The following PTPRN2 variants were observed in gnomAD, a reference collection of about 807,000 sequenced individuals.
PTPRN2 encodes protein tyrosine phosphatase receptor type N2.
In PTPRN2, 74 loss-of-function variants were observed where a neutral mutation model predicts 118.8. The ratio of observed to expected loss-of-function variants is 0.62; its 90% CI spans 0.52 to 0.76. The LOEUF (loss-of-function observed/expected upper bound fraction) is 0.76, where lower values mean the gene tolerates loss of function less well. PTPRN2 is among the 30% of genes least tolerant of loss of function. The pLI is 0.00. For synonymous variants in PTPRN2, 641 were observed against 608.0 expected, an observed-to-expected ratio of 1.05 and a Z score of -0.80; for missense variants, 1,481 against 1,394.4, an observed-to-expected ratio of 1.06 and a Z score of -0.99.
At chr7:158,184,041 T>C (rs1160326808) in intron 5 of PTPRN2, among the ~76,000 whole-genome samples, 1 of 148,108 alleles carries the variant, frequency 6.8e-6, no homozygotes, top group Non-Finnish European at 1.5e-5. Flanking sequence ...AAAAGTGCTA[T>C]TTGCAAGTAT....
At chr7:157,860,358 C>T (rs1038312696) in intron 12 of PTPRN2, among the ~76,000 whole-genome samples, 8 of 152,232 alleles carry the variant, frequency 5.3e-5, no homozygotes, top group African/African-American at 1.7e-4. Flanking sequence ...CCCCACAGTC[C>T]ACCCACAGCC....
At chr7:157,644,664 T>A (rs1410756208) in intron 14 of PTPRN2, among the ~76,000 whole-genome samples, 2 of 151,982 alleles carry the variant, frequency 1.3e-5, no homozygotes, top group African/African-American at 2.4e-5. Flanking sequence ...GCGTGGTGGC[T>A]AACGCCTATA....
intron 11 of PTPRN2, among the ~76,000 whole-genome samples, chr7:157,988,501 C>T (rs1803992050): frequency 6.6e-6 from 1 of 152,202 alleles, no homozygotes; most frequent in South Asian, 2.1e-4. Flanking sequence ...AGACCAAACA[C>T]ACCAAACGCA....
At chr7:157,952,954 C>A (rs1800927631) in intron 11 of PTPRN2, among the ~76,000 whole-genome samples, 1 of 152,002 alleles carries the variant, frequency 6.6e-6, no homozygotes, top group African/African-American at 2.4e-5. Flanking sequence ...TGGGAGAAAG[C>A]CATGCACACA....
chr7:157,550,356 G>C lies in PTPRN2; in HGVS notation c.2903-1337C>G, dbSNP rs1280894545. Among the ~76,000 whole-genome samples, 1 of 152,188 alleles carries C rather than the reference G, an allele frequency of 6.6e-6. No individual in the cohort carries two copies. Among genetic ancestry groups the C allele is most frequent in the Non-Finnish European group, 1.5e-5 (1 of 68,032 alleles). On this transcript the variant is annotated intron_variant, in intron 21 of 22. Transcript: ENST00000389418. This position sits in a 1 kb window ranked among gnomAD's most constrained non-coding sequence, Gnocchi z 5.2. ...AAGTCAGAACTGCGGGCAGCTAGGAGGGAACGGCAGGGGTGGCGGGGAGGC... is the reference window on the plus strand; with the variant it reads ...AAGTCAGAACTGCGGGCAGCTAGGACGGAACGGCAGGGGTGGCGGGGAGGC...
Position 158,442,043 on chromosome 7 carries a change from A to G in PTPRN2, c.163+47692T>C, listed in dbSNP as rs371802243. ...AGTGATGGTGATAGTGATGGTGGTG[A>G]CAGTGGTGGTGATGGTGATGGCAGT... On this transcript the variant is annotated intron_variant, in intron 2 of 22. Transcript: ENST00000389418. 9.5e-3 allele frequency among the ~76,000 whole-genome samples: 1,003 copies of G among 105,588 alleles called. 27 individuals are homozygous for G. Among genetic ancestry groups the G allele is most frequent in the East Asian group, 0.049 (163 of 3,314 alleles). The allele number at this position is 105,588 out of a possible 152,430, so 69.3% of individuals were successfully genotyped here.
rs1801515905 is a variant in PTPRN2 at position 157,599,119 on chromosome 7, C to T, written c.2419-3804G>A. 2.0e-5 allele frequency among the ~76,000 whole-genome samples: 3 copies of T among 152,062 alleles called. No homozygotes were observed. The South Asian group carries it at 6.2e-4, about 32-fold the overall frequency. On this transcript the variant is annotated intron_variant, in intron 16 of 22. Transcript: ENST00000389418. ...CTGCCTCCTGGGTTCAAGCGATTCT[C>T]CTGCCTCAGCCTCCAGAGTGGCTGG... is the stretch of plus-strand genomic sequence containing the variant.
rs575405324 is a variant in PTPRN2, at chr7:157,724,435, CT to C, written c.1789-41499del. Among the ~76,000 whole-genome samples the C allele has an allele frequency of 5.1e-4, 77 of 152,306 alleles. 1 individual carries two copies. The highest frequency in any genetic ancestry group is 1.8e-3 in the African/African-American group (76 of 41,562). ...GGAGCCAATTTCCTGGTTAAATTTA[CT>C]TTACATTTTGATATGTATTCAGTTC... On this transcript the variant is annotated intron_variant, in intron 12 of 22. Transcript: ENST00000389418.
intron 4 of PTPRN2, among the ~76,000 whole-genome samples, chr7:158,196,460 G>A (rs1031474401): frequency 8.5e-5 from 13 of 152,178 alleles, no homozygotes; most frequent in African/African-American, 3.1e-4. Context: ...CCCATCTAGG[G>A]AGGTCTGCAT....
chr7:157,702,835 G>A (rs1375190523), intron 12 of PTPRN2, among the ~76,000 whole-genome samples: 1 of 152,176 alleles, frequency 6.6e-6, no homozygotes, highest in African/African-American at 2.4e-5. Context: ...TCTCTCCTCT[G>A]GCCCCGCGTC....
rs1822084677 is a variant in PTPRN2 at position 158,158,745 on chromosome 7, G to A, written c.910+8186C>T. On this transcript the variant is annotated intron_variant, in intron 6 of 22. Transcript: ENST00000389418. ...GCAAGGGCTTTCTGAATGAATGAGT[G>A]AACTCGGAAGAATCAGGAGCCCGTG... Among the ~76,000 whole-genome samples the A allele has an allele frequency of 7.7e-5, 2 of 25,920 alleles. 1 individual carries two copies. Among genetic ancestry groups the A allele is most frequent in the Non-Finnish European group, 1.3e-4 (2 of 15,534 alleles). The allele number at this position is 25,920 out of a possible 152,430, so 17.0% of individuals were successfully genotyped here. A position where few individuals can be genotyped will look rare whatever the true frequency, so the allele number is the denominator to read the frequency against.
intron 14 of PTPRN2, among the ~76,000 whole-genome samples, chr7:157,654,539 C>T (rs905386733): frequency 1.3e-5 from 2 of 152,146 alleles, no homozygotes; most frequent in South Asian, 4.2e-4. Context: ...CAGTTGTGGG[C>T]GGTGGTGAGA....
At position 157,591,123 on chromosome 7, in the gene PTPRN2, CAT is replaced by C. The variant is rs1258652616; in HGVS notation, c.2496+4113_2496+4114del. On this transcript the variant is annotated intron_variant, in intron 17 of 22. Transcript: ENST00000389418. This position sits in a 1 kb window ranked among gnomAD's most constrained non-coding sequence, Gnocchi z 4.4. ...AAGAGGAGGGAAATTTGGACCCTGA[CAT>C]AAATCCACGGTGGGGAAAAGCTGTG... Among the ~76,000 whole-genome samples, 7 of 152,096 alleles carry C rather than the reference CAT, an allele frequency of 4.6e-5. No individual in the cohort carries two copies. The highest frequency in any genetic ancestry group is 1.4e-4 in the African/African-American group (6 of 41,416).
chr7:158,146,733 A>AAG (rs1196552917), intron 6 of PTPRN2, among the ~76,000 whole-genome samples: 3 of 151,628 alleles, frequency 2.0e-5, no homozygotes, highest in African/African-American at 7.3e-5. Context: ...AAAAAAAAAA[A>AAG]AAGAAAGAAA....
At chr7:158,492,204 G>A (rs1047341830) in intron 1 of PTPRN2, among the ~76,000 whole-genome samples, 6 of 152,242 alleles carry the variant, frequency 3.9e-5, no homozygotes, top group African/African-American at 1.2e-4. Flanking sequence ...GTCCGATGTC[G>A]TGGAACGTCC....
At chr7:157,553,568 G>T (rs1798739532) in intron 21 of PTPRN2, among the ~76,000 whole-genome samples, 1 of 152,088 alleles carries the variant, frequency 6.6e-6, no homozygotes, top group African/African-American at 2.4e-5. Flanking sequence ...GAGGAAAAGT[G>T]AAAAAAGGGA....
At chr7:158,120,975 C>A (rs986524384) in intron 9 of PTPRN2, among the ~76,000 whole-genome samples, 1 of 152,234 alleles carries the variant, frequency 6.6e-6, no homozygotes, top group Non-Finnish European at 1.5e-5. Flanking sequence ...TTGCATCCAA[C>A]CAGCCTCCCT....
At chr7:158,528,806 G>GAAAAAA (rs59416367) in intron 1 of PTPRN2, among the ~76,000 whole-genome samples, 1 of 117,392 alleles carries the variant, frequency 8.5e-6, no homozygotes, top group Non-Finnish European at 1.8e-5. Flanking sequence ...CTCAAAAACG[G>GAAAAAA]AAAAAAAAAA....
At chr7:157,602,834 A>T (rs888982066) in intron 16 of PTPRN2, among the ~76,000 whole-genome samples, 4 of 152,236 alleles carry the variant, frequency 2.6e-5, no homozygotes, top group Non-Finnish European at 5.9e-5. Flanking sequence ...AAAGCTCCCT[A>T]TGGACGAGCA....
Sources: allele counts gnomAD v4.1 joint callset (sites outside exome capture counted in the v4.1 genomes callset), GRCh38; gene constraint gnomAD v4.1.1; non-coding constraint Gnocchi (gnomAD v3.1); transcripts MANE v1.5; gene names NCBI Gene and HGNC (gene_info 2026-07-23, HGNC 2026-07-21).